Variants in RIMS2 observed in about 807,000 individuals in gnomAD.
RIMS2 encodes the protein regulating synaptic membrane exocytosis protein 2.
A neutral mutation model predicts 174.4 loss-of-function variants in RIMS2; 59 were observed. The ratio of observed to expected loss-of-function variants is 0.34; its 90% CI spans 0.27 to 0.42. The LOEUF (loss-of-function observed/expected upper bound fraction) is 0.42. Among genes scored for constraint, RIMS2 ranks in the 10% least tolerant of loss-of-function variants. RIMS2 has a pLI of 1.00. For missense variants in RIMS2, 1,620 were observed against 1,666.3 expected, an observed-to-expected ratio of 0.97 and a Z score of 0.48; for synonymous variants, 606 against 572.5, an observed-to-expected ratio of 1.06 and a Z score of -0.84.
At chr8:104,054,429 T>G (rs1210944089) in intron 19 of RIMS2, among the ~76,000 whole-genome samples, 1 of 152,172 alleles carries the variant, frequency 6.6e-6, no homozygotes, top group Non-Finnish European at 1.5e-5. Context: ...AAATATTTCC[T>G]TTTTTCATTA....
chr8:103,878,474 G>A (rs1446791021), intron 3 of RIMS2, among the ~76,000 whole-genome samples: 2 of 151,790 alleles, frequency 1.3e-5, no homozygotes, highest in East Asian at 1.9e-4. Context: ...TGGTTTGCTA[G>A]TATTTGTTGA....
At chr8:103,731,599 T>G (rs1252426865) in intron 2 of RIMS2, among the ~76,000 whole-genome samples, 2 of 152,218 alleles carry the variant, frequency 1.3e-5, no homozygotes, top group Non-Finnish European at 2.9e-5. Flanking sequence ...GAAGCTATTT[T>G]CTAAATCTTG....
chr8:104,014,713 G>A (rs996487543), intron 19 of RIMS2, 98 bp downstream of exon 21: 72 of 646,406 alleles, frequency 1.1e-4, no homozygotes, highest in Middle Eastern at 3.2e-4. Context: ...TTCTTCTTTT[G>A]TTAATTGTAT....
chr8:103,693,791 C>G (rs1034154930), intron 1 of RIMS2, among the ~76,000 whole-genome samples: 1 of 152,122 alleles, frequency 6.6e-6, no homozygotes, highest in Admixed American at 6.6e-5. Context: ...TGGGCCGATT[C>G]ATTTGGTCTG....
At chr8:103,587,504 C>T (rs967378430) in intron 1 of RIMS2, among the ~76,000 whole-genome samples, 1 of 151,388 alleles carries the variant, frequency 6.6e-6, no homozygotes, top group South Asian at 2.1e-4. Context: ...AATATTGGTA[C>T]AAAAATCCTC....
chr8:103,769,823 G>A (rs895219179), intron 3 of RIMS2, among the ~76,000 whole-genome samples: 2 of 152,064 alleles, frequency 1.3e-5, no homozygotes, highest in African/African-American at 2.4e-5. Flanking sequence ...ATAAATTCGT[G>A]CTTAATGACT....
intron 19 of RIMS2, among the ~76,000 whole-genome samples, chr8:104,028,128 TAA>T (rs1286666282): frequency 7.1e-6 from 1 of 141,142 alleles, no homozygotes; most frequent in Admixed American, 7.1e-5. Flanking sequence ...ATAGAATCTC[TAA>T]AAAAAAAAAG....
intron 1 of RIMS2, among the ~76,000 whole-genome samples, chr8:103,620,859 G>C (rs1181434795): frequency 6.6e-6 from 1 of 152,062 alleles, no homozygotes; most frequent in Non-Finnish European, 1.5e-5. Context: ...TTAAAAAATT[G>C]TCCTTTTAAG....
chr8:103,913,147 T>TTTTG (rs111510424), intron 6 of RIMS2, among the ~76,000 whole-genome samples: 7,334 of 150,730 alleles, frequency 0.049, 246 homozygotes, highest in Non-Finnish European at 0.07. Context: ...TATTTTTTTT[T>TTTTG]TTTTGTATTT....
intron 19 of RIMS2, among the ~76,000 whole-genome samples, chr8:104,077,233 G>C (rs1164290406): frequency 6.6e-6 from 1 of 151,968 alleles, no homozygotes; most frequent in Non-Finnish European, 1.5e-5. Flanking sequence ...TTGTGGTCGT[G>C]GTGGTGGTGG....
At chr8:104,193,424 T>C (rs1412505713) in intron 19 of RIMS2, among the ~76,000 whole-genome samples, 1 of 152,168 alleles carries the variant, frequency 6.6e-6, no homozygotes, top group Non-Finnish European at 1.5e-5. Context: ...GAGCTGAATA[T>C]CTTCATATAT....
intron 1 of RIMS2, among the ~76,000 whole-genome samples, chr8:103,663,699 C>T (rs898586542): frequency 5.9e-5 from 9 of 152,148 alleles, no homozygotes; most frequent in African/African-American, 2.2e-4. Flanking sequence ...TGAAAATGGC[C>T]ATACTGCCCA....
intron 10 of RIMS2, among the ~76,000 whole-genome samples, chr8:103,926,557 T>G (rs1362161513): frequency 6.6e-6 from 1 of 151,554 alleles, no homozygotes; most frequent in Non-Finnish European, 1.5e-5. Flanking sequence ...TAGATTTATG[T>G]CTTAAATAAA....
chr8:103,730,858 C>A (rs560304774), intron 2 of RIMS2, among the ~76,000 whole-genome samples: 1 of 152,104 alleles, frequency 6.6e-6, no homozygotes, highest in Non-Finnish European at 1.5e-5. Context: ...TGTATTAGTT[C>A]ATTTTTATGT....
chr8:103,698,375 C>T (rs371735203), intron 2 of RIMS2, among the ~76,000 whole-genome samples: 6 of 152,230 alleles, frequency 3.9e-5, no homozygotes, highest in Admixed American at 2.6e-4. Flanking sequence ...GTTAGCTGTA[C>T]GCTTTTCACA....
At chr8:103,878,165 A>G (rs755954290) in intron 3 of RIMS2, among the ~76,000 whole-genome samples, 11 of 151,896 alleles carry the variant, frequency 7.2e-5, no homozygotes, top group Non-Finnish European at 1.6e-4. Flanking sequence ...GCATGCTGCC[A>G]TGTAAGACAT....
chr8:103,979,741 A>G (rs981777313), intron 16 of RIMS2, among the ~76,000 whole-genome samples: 1 of 152,164 alleles, frequency 6.6e-6, no homozygotes, highest in Non-Finnish European at 1.5e-5. Flanking sequence ...ACCCCCAGCA[A>G]CAGTTGTTCA....
In RIMS2 at chr8:104,249,482, AT is replaced by A; in HGVS notation, c.3590-3del. The A allele has an allele frequency of 6.5e-7, 1 of 1,526,870 alleles. No individual in the cohort carries two copies. Among genetic ancestry groups the A allele is most frequent in the Non-Finnish European group, 9.1e-7 (1 of 1,101,378 alleles). 94.6% of individuals were successfully genotyped at this position (1,526,870 alleles called of 1,614,324 possible). ...AGCACATTTGTTCCTTCCTTCTTCC[AT>A]TAGGTGACATTCAGGTAGGAATGAT... On this transcript the variant is annotated splice_polypyrimidine_tract_variant and splice_region_variant and intron_variant, in intron 21 of 23. Coordinates refer to ENST00000504942, the Ensembl canonical transcript of RIMS2.
intron 19 of RIMS2, among the ~76,000 whole-genome samples, chr8:104,053,767 C>T (rs1318711889): frequency 6.6e-6 from 1 of 152,094 alleles, no homozygotes; most frequent in Non-Finnish European, 1.5e-5. Context: ...AAAGCAATGA[C>T]TTTGTACCAG....
Sources: allele counts gnomAD v4.1 joint callset (sites outside exome capture counted in the v4.1 genomes callset), GRCh38; gene constraint gnomAD v4.1.1; transcripts MANE v1.5; gene names NCBI Gene and HGNC (gene_info 2026-07-23, HGNC 2026-07-21).